STON1: variants seen among roughly 807,000 people sequenced by gnomAD.
STON1 encodes the protein stonin-1.
Under a neutral mutation model 60.9 loss-of-function variants are expected in STON1, and 79 were observed. That is an observed-to-expected ratio of 1.30 (90% confidence interval 1.08 to 1.56). The LOEUF (loss-of-function observed/expected upper bound fraction) is 1.56. STON1 is among the 40% of genes most tolerant of loss of function. The probability of loss-of-function intolerance (pLI) is 0.00; values close to 1 mark genes in which losing one functional copy is unlikely to be tolerated. For missense variants in STON1, 1,166 were observed against 858.9 expected (o/e 1.36, Z -4.47); for synonymous variants, 363 against 306.9 (o/e 1.18, Z -1.91).
intron 1 of STON1, chr2:48,531,111 C>T (rs922566024): frequency 6.6e-6 from 1 of 152,182 alleles, no homozygotes; most frequent in Non-Finnish European, 1.5e-5. Context: ...AGTCCACACT[C>T]GACTGTTTTC....
chr2:48,571,327 G>T (rs1289129402), intron 1 of STON1, among the ~76,000 whole-genome samples: 2 of 152,292 alleles, frequency 1.3e-5, no homozygotes, highest in Admixed American at 1.3e-4. Context: ...GGCAGCTGGG[G>T]ACTTGGTGCC....
intron 2 of STON1, among the ~76,000 whole-genome samples, chr2:48,590,892 T>G (rs1190445010): frequency 6.6e-6 from 1 of 152,196 alleles, no homozygotes; most frequent in Non-Finnish European, 1.5e-5. Context: ...TTTGTTCCAC[T>G]GAAAAAAGAA....
At chr2:48,559,390 C>T (rs1378793424) in intron 1 of STON1, among the ~76,000 whole-genome samples, 2 of 152,142 alleles carry the variant, frequency 1.3e-5, no homozygotes, top group East Asian at 1.9e-4. Context: ...TCACAGATGG[C>T]ACCTTCTATG....
chr2:48,564,496 TTCTTC>T (rs1672803010), intron 1 of STON1, among the ~76,000 whole-genome samples: 3 of 20,810 alleles, frequency 1.4e-4, no homozygotes, highest in African/African-American at 4.3e-4. Flanking sequence ...CTTCTTCTTC[TTCTTC>T]TTCTTCTTCT....
chr2:48,596,593 A>G lies in STON1; in HGVS notation c.*1291A>G, dbSNP rs1021348477. ...TAGGAGATATTTTTCTCTATTTGCT[A>G]GATTTGTTTTGAGTCAAAACTGATT... is the stretch of plus-strand genomic sequence containing the variant. On this transcript the variant is annotated 3_prime_UTR_variant, in exon 4 of 4. Coordinates refer to ENST00000404752, the MANE Select transcript of STON1 (RefSeq NM_006873.4). 3 of 152,160 alleles carry G rather than the reference A, an allele frequency of 2.0e-5. No homozygotes were observed. Among genetic ancestry groups the G allele is most frequent in the South Asian group, 4.1e-4 (2 of 4,826 alleles). The allele number at this position is 152,160 out of a possible 1,614,324, so 9.4% of individuals were successfully genotyped here. A position where few individuals can be genotyped will look rare whatever the true frequency, so the allele number is the denominator to read the frequency against.
chr2:48,534,350 G>A (rs533672109), intron 1 of STON1, among the ~76,000 whole-genome samples: 2 of 152,128 alleles, frequency 1.3e-5, no homozygotes, highest in East Asian at 1.9e-4. Context: ...GAACCAGAAG[G>A]GTAACTCATC....
chr2:48,553,568 A>G (rs981758824), intron 1 of STON1, among the ~76,000 whole-genome samples: 1 of 151,512 alleles, frequency 6.6e-6, no homozygotes, highest in Non-Finnish European at 1.5e-5. Flanking sequence ...GCTCACTGCA[A>G]CCTCTGCCTC....
chr2:48,588,046 G>A (rs961195396), intron 2 of STON1, among the ~76,000 whole-genome samples: 1 of 152,186 alleles, frequency 6.6e-6, no homozygotes, highest in Non-Finnish European at 1.5e-5. Flanking sequence ...TAATAATAAG[G>A]TTGGAGCAGA....
Position 48,566,365 on chromosome 2 carries a change from G to A in STON1, c.-47-14222G>A, listed in dbSNP as rs188884165. 3.9e-3 allele frequency among the ~76,000 whole-genome samples: 587 copies of A among 152,114 alleles called. 4 individuals carry two copies. The highest frequency in any genetic ancestry group is 0.013 in the African/African-American group (548 of 41,470). On this transcript the variant is annotated intron_variant, in intron 1 of 3. Coordinates refer to ENST00000404752, the MANE Select transcript of STON1 (RefSeq NM_006873.4). ...TAATTTTTGTATTTTTAGTAGAGACGGGGTTTCACCATGTTGGTCAGGCTG... is the reference window on the plus strand; with the variant it reads ...TAATTTTTGTATTTTTAGTAGAGACAGGGTTTCACCATGTTGGTCAGGCTG...
At chr2:48,541,878 G>A (rs780922249) in intron 1 of STON1, among the ~76,000 whole-genome samples, 16 of 152,044 alleles carry the variant, frequency 1.1e-4, no homozygotes, top group Admixed American at 3.3e-4. Context: ...CGCTTACTGC[G>A]GTGTCTCACT....
At chr2:48,556,288 G>T (rs1672351879) in intron 1 of STON1, among the ~76,000 whole-genome samples, 1 of 13,230 alleles carries the variant, frequency 7.6e-5, no homozygotes, top group Non-Finnish European at 1.6e-4. Flanking sequence ...CCCAGTAGGG[G>T]CGGCCGGGCA....
intron 1 of STON1, among the ~76,000 whole-genome samples, chr2:48,535,299 A>T (rs999598448): frequency 6.6e-6 from 1 of 152,184 alleles, no homozygotes; most frequent in African/African-American, 2.4e-5. Flanking sequence ...TATCTTTCGA[A>T]AGCTTGCCTA....
At chr2:48,590,636 A>AACACACACACACACAC (rs6146756) in intron 2 of STON1, among the ~76,000 whole-genome samples, 39,419 of 141,838 alleles carry the variant, frequency 0.28, 5,822 homozygotes, top group Non-Finnish European at 0.33. Flanking sequence ...ATTTCCTTAT[A>AACACACACACACACAC]ACACACACAC....
chr2:48,583,716 C>T (rs1197177298), intron 2 of STON1, among the ~76,000 whole-genome samples: 1 of 149,504 alleles, frequency 6.7e-6, no homozygotes, highest in African/African-American at 2.5e-5. Context: ...TTCATGCATC[C>T]ATCGATCCAT....
In STON1 at chr2:48,595,413, G is replaced by A. The variant is rs1368756021; in HGVS notation, c.*111G>A. 2 of 908,116 alleles carry A rather than the reference G, an allele frequency of 2.2e-6. No individual in the cohort carries two copies. Among genetic ancestry groups the A allele is most frequent in the Non-Finnish European group, 3.5e-6 (2 of 579,354 alleles). The allele number at this position is 908,116 out of a possible 1,614,324, so 56.3% of individuals were successfully genotyped here. A position where few individuals can be genotyped will look rare whatever the true frequency, so the allele number is the denominator to read the frequency against. ...AATGACTTCTGAATAGCGGTTTTAG[G>A]ACAGGTCTGATGGCTGTGTTTAGAG... On this transcript the variant is annotated 3_prime_UTR_variant, in exon 4 of 4. Transcript: ENST00000404752.
rs1673853732 is a variant in STON1 at position 48,581,089 on chromosome 2, A to G, written c.456A>G (p.Pro152=). 4 of 1,601,472 alleles carry G rather than the reference A, an allele frequency of 2.5e-6. No individual in the cohort carries two copies. The South Asian group carries it at 3.4e-5, about 14-fold the overall frequency. The stretch of plus-strand genomic sequence containing the variant: ...ATCCAACTCCCAAAGTAGGTCTTCC[A>G]GATGAAGTTAATCCTCAACAGGCTG... ...CTHPTPKVGL[P]DEVNPQQAES... The change falls in exon 2 of 4, where the codon CCA becomes CCG. Residue 152 remains proline, a synonymous_variant. Transcript: ENST00000404752.
intron 2 of STON1, among the ~76,000 whole-genome samples, chr2:48,590,005 G>A (rs947506737): frequency 3.9e-5 from 6 of 152,178 alleles, no homozygotes; most frequent in Admixed American, 1.3e-4. Flanking sequence ...AAGAAACTGA[G>A]GCTCAGAGAG....
chr2:48,557,652 A>G (rs1340721001), intron 1 of STON1, among the ~76,000 whole-genome samples: 2 of 138,202 alleles, frequency 1.4e-5, no homozygotes, highest in Non-Finnish European at 3.2e-5. Context: ...ACCATTGAGC[A>G]CTGAGTGAAC....
rs76071861 is a variant in STON1 at position 48,565,473 on chromosome 2, T to A, written c.-47-15114T>A. On this transcript the variant is annotated intron_variant, in intron 1 of 3. Transcript: ENST00000404752. The stretch of plus-strand genomic sequence containing the variant: ...TGGGATTCAGGTTTCAACATAGGAA[T>A]TTTGTGGGGACACAAACATTAAGCC... 5.4e-3 allele frequency among the ~76,000 whole-genome samples: 821 copies of A among 152,294 alleles called. 7 individuals carry two copies. The highest frequency in any genetic ancestry group is 0.019 in the African/African-American group (793 of 41,556).
Sources: gnomAD v4.1 joint callset for allele counts (sites outside exome capture counted in the v4.1 genomes callset) on GRCh38, gnomAD v4.1.1 for gene constraint, MANE v1.5 for transcripts, NCBI Gene and HGNC (gene_info 2026-07-23, HGNC 2026-07-21) for gene names.